The following SETD6 variants were observed in gnomAD, a reference collection of about 807,000 sequenced individuals.
The protein encoded by SETD6 is SET domain containing 6, protein lysine methyltransferase.
In SETD6, 67 loss-of-function variants were observed where a neutral mutation model predicts 52.7. The observed-to-expected ratio is 1.27, with a 90% CI of 1.04 to 1.56. The LOEUF (loss-of-function observed/expected upper bound fraction) is 1.56, where lower values mean the gene tolerates loss of function less well. SETD6 is among the 40% of genes most tolerant of loss of function. The pLI, the probability that SETD6 is intolerant of heterozygous loss-of-function variation, is 0.00. For missense variants in SETD6, 712 were observed against 607.5 expected (o/e 1.17, Z -1.81); for synonymous variants, 307 against 250.2 (o/e 1.23, Z -2.14).
Position 58,516,028 on chromosome 16 carries a change from T to C in SETD6, c.265T>C (p.Leu89=), listed in dbSNP as rs4784046. The C allele has an allele frequency of 0.58, 883,510 of 1,525,420 alleles. 263,414 individuals carry two copies. The highest frequency in any genetic ancestry group is 0.96 in the East Asian group (36,003 of 37,310). 94.5% of individuals were successfully genotyped at this position (1,525,420 alleles called of 1,614,324 possible). Residue 89 remains leucine, a synonymous_variant, in exon 2 of 8, where the codon TTG becomes CTG. Transcript: ENST00000219315. ...GGAGAGCGTGCAGGCCGGAGAGCTG[T>C]TGTTCGTGGTGCCGCGGGCCGCGCT... ...ARESVQAGEL[L]FVVPRAALLS...
In SETD6 at chr16:58,516,043, C is replaced by CGG. The variant is rs1567374376; in HGVS notation, c.282_283dup (p.Ala95GlyfsTer117). The CGG allele has an allele frequency of 1.3e-6, 2 of 1,514,242 alleles. No homozygotes were observed. Among genetic ancestry groups the CGG allele is most frequent in the Admixed American group, 4.2e-5 (2 of 47,726 alleles). The allele number at this position is 1,514,242 out of a possible 1,614,324, so 93.8% of individuals were successfully genotyped here. Reference sequence around the variant, plus strand: ...CGGAGAGCTGTTGTTCGTGGTGCCGCGGGCCGCGCTCCTGTCGCAGCACAC... The same window carrying CGG: ...CGGAGAGCTGTTGTTCGTGGTGCCGCGGGGGCCGCGCTCCTGTCGCAGCACAC... On this transcript the variant is annotated frameshift_variant, in exon 2 of 8. Transcript: ENST00000219315. LOFTEE classifies it high-confidence loss of function.
rs868713110 is a variant in SETD6, at chr16:58,523,694, T to C, written c.*4665T>C. ...TTTCAGAATTTTCCACATTAGAAAT[T>C]AGATTTTAAAAATATTCATTTTTAA... is the stretch of plus-strand genomic sequence containing the variant. On this transcript the variant is annotated 3_prime_UTR_variant, in exon 8 of 8. Transcript: ENST00000219315. 2.2e-6 allele frequency: 1 copy of C among 463,942 alleles called. No homozygotes were observed. The highest frequency in any genetic ancestry group is 5.8e-4 in the Middle Eastern group (1 of 1,712). 28.7% of individuals were successfully genotyped at this position (463,942 alleles called of 1,614,324 possible). A position where few individuals can be genotyped will look rare whatever the true frequency, so the allele number is the denominator to read the frequency against.
chr16:58,515,850 C>A lies in SETD6; in HGVS notation c.87C>A (p.Cys29Ter). ...LDPVACFLSW[C>*]RRVGLELSPK... is the part of the protein sequence containing the mutation. The stretch of plus-strand genomic sequence containing the variant: ...CTGTGGCCTGCTTCCTGAGCTGGTG[C>A]CGGCGGGTGGGGCTGGAGCTGAGTC... Residue 29 changes from cysteine (C) to a stop codon, truncating the protein, a stop_gained, in exon 2 of 8, where the codon TGC becomes TGA. Transcript: ENST00000219315. LOFTEE classifies it high-confidence loss of function. The A allele has an allele frequency of 6.5e-7, 1 of 1,532,724 alleles. No individual in the cohort carries two copies. 94.9% of individuals were successfully genotyped at this position (1,532,724 alleles called of 1,614,324 possible). A position where few individuals can be genotyped will look rare whatever the true frequency, so the allele number is the denominator to read the frequency against.
rs1386959659 is a variant in SETD6, at chr16:58,520,883, G to T, written c.*1854G>T. On this transcript the variant is annotated 3_prime_UTR_variant, in exon 8 of 8. Transcript: ENST00000219315. The stretch of plus-strand genomic sequence containing the variant: ...TGGGAAAGTCAGGAAGAGCTGAAAG[G>T]ATTCTTCAGTCAGTTTATGAACTCG... The T allele has an allele frequency of 2.7e-6, 4 of 1,455,240 alleles. No homozygotes were observed. Among genetic ancestry groups the T allele is most frequent in the Non-Finnish European group, 1.9e-6 (2 of 1,047,066 alleles). The allele number at this position is 1,455,240 out of a possible 1,614,324, so 90.1% of individuals were successfully genotyped here.
rs1160296886 is a variant in SETD6 at position 58,521,458 on chromosome 16, A to T, written c.*2429A>T. On this transcript the variant is annotated 3_prime_UTR_variant, in exon 8 of 8. Coordinates refer to ENST00000219315, the MANE Select transcript of SETD6 (RefSeq NM_001160305.4). Reference sequence around the variant, plus strand: ...CACCTTTAGTAAAGACAGGTGGATTAATATACTCCAAATAGCACAGGTTGG... The same window carrying T: ...CACCTTTAGTAAAGACAGGTGGATTTATATACTCCAAATAGCACAGGTTGG... 1 of 762,976 alleles carries T rather than the reference A, an allele frequency of 1.3e-6. No homozygotes were observed. Among genetic ancestry groups the T allele is most frequent in the African/African-American group, 1.8e-5 (1 of 56,762 alleles). The allele number at this position is 762,976 out of a possible 1,614,324, so 47.3% of individuals were successfully genotyped here.
Position 58,521,954 on chromosome 16 carries a change from TA to T in SETD6, c.*2928del, listed in dbSNP as rs1393202988. On this transcript the variant is annotated 3_prime_UTR_variant, in exon 8 of 8. Transcript: ENST00000219315. ...AGACAGAGTGAGACCCTGTCTCAAA[TA>T]AACAGATAAATTAAATAAATAAATA... Among the ~76,000 whole-genome samples, 1 of 151,898 alleles carries T rather than the reference TA, an allele frequency of 6.6e-6. No homozygotes were observed. The highest frequency in any genetic ancestry group is 2.4e-5 in the African/African-American group (1 of 41,434).
At position 58,521,628 on chromosome 16, in the gene SETD6, C is replaced by G. The variant is rs1272598008; in HGVS notation, c.*2599C>G. 6.6e-6 allele frequency among the ~76,000 whole-genome samples: 1 copy of G among 152,150 alleles called. No homozygotes were observed. Among genetic ancestry groups the G allele is most frequent in the Non-Finnish European group, 1.5e-5 (1 of 68,044 alleles). On this transcript the variant is annotated 3_prime_UTR_variant, in exon 8 of 8. Transcript: ENST00000219315. Reference sequence around the variant, plus strand: ...CATAAAGCCCAGAGTACATGGCACACAAAGTTAGTACAAAAAGTAGTAATT... The same window carrying G: ...CATAAAGCCCAGAGTACATGGCACAGAAAGTTAGTACAAAAAGTAGTAATT...
At position 58,516,105 on chromosome 16, in the gene SETD6, C is replaced by T. The variant is rs1173789193; in HGVS notation, c.334+8C>T. 6 of 1,062,776 alleles carry T rather than the reference C, an allele frequency of 5.6e-6. No individual in the cohort carries two copies. Among genetic ancestry groups the T allele is most frequent in the South Asian group, 4.0e-5 (2 of 50,434 alleles). The allele number at this position is 1,062,776 out of a possible 1,614,324, so 65.8% of individuals were successfully genotyped here. On this transcript the variant is annotated splice_region_variant and intron_variant, in intron 2 of 7. Transcript: ENST00000219315. ...GCGGCCTGCTGGAGCGAGGTGGGCA[C>T]GGCGGCGGGCTAGGGCCCTGGGGCG...
chr16:58,515,658 C>T (rs1409529428), intron 1 of SETD6, 94 bp downstream of exon 1: 1 of 1,411,600 alleles, frequency 7.1e-7, no homozygotes, highest in African/African-American at 1.5e-5. Flanking sequence ...CGCTCCCTCC[C>T]GCGGGTCCCG....
At position 58,518,053 on chromosome 16, in the gene SETD6, T is replaced by C. The variant is rs768901250; in HGVS notation, c.795T>C (p.Asn265=). 1 of 1,614,170 alleles carries C rather than the reference T, an allele frequency of 6.2e-7. No homozygotes were observed. The highest frequency in any genetic ancestry group is 8.5e-7 in the Non-Finnish European group (1 of 1,180,024). ...NHNANLEYSA[N]CLRMVATQPI... is the part of the protein sequence containing the mutation. Reference sequence around the variant, plus strand: ...CCAGCTTCTCCCTTTCACCTCAGAATTGTCTTCGGATGGTAGCCACTCAGC... The same window carrying C: ...CCAGCTTCTCCCTTTCACCTCAGAACTGTCTTCGGATGGTAGCCACTCAGC... Residue 265 remains asparagine (N), a splice_region_variant and synonymous_variant, in exon 6 of 8, where the codon AAT becomes AAC. Coordinates refer to ENST00000219315, the MANE Select transcript of SETD6 (RefSeq NM_001160305.4).
Position 58,522,237 on chromosome 16 carries a change from CAAAAAAAAAAA to C in SETD6, c.*3228_*3238del, listed in dbSNP as rs56149974. Among the ~76,000 whole-genome samples the C allele has an allele frequency of 1.7e-4, 17 of 98,592 alleles. No individual in the cohort carries two copies. Among genetic ancestry groups the C allele is most frequent in the Middle Eastern group, 6.7e-3 (1 of 150 alleles). The allele number at this position is 98,592 out of a possible 152,430, so 64.7% of individuals were successfully genotyped here. On this transcript the variant is annotated 3_prime_UTR_variant, in exon 8 of 8. Coordinates refer to ENST00000219315, the MANE Select transcript of SETD6 (RefSeq NM_001160305.4). ...AGGAGGCGACAAAGCGAGACTGTCT[CAAAAAAAAAAA>C]AAAAAAAAAAAAAAAAAAAGCTAAC...
At chr16:58,517,502 C>T (rs900960013) in intron 5 of SETD6, 1 of 172,282 alleles carries the variant, frequency 5.8e-6, no homozygotes, top group Admixed American at 5.4e-5. Flanking sequence ...GAGGCGGAGT[C>T]TCACTGTGTC....
In SETD6 at chr16:58,516,830, G is replaced by T. The variant is rs756157885; in HGVS notation, c.694G>T (p.Glu232Ter). The stretch of plus-strand genomic sequence containing the variant: ...CAGCTTTCAGGAACCACTGGAGGAA[G>T]AAGAGGATGAAAAGGAGCCCAACTC... ...AYSFQEPLEE[E>*]EDEKEPNSPV... The change falls in exon 5 of 8, where the codon GAA becomes TAA. Residue 232 changes from glutamate to a stop codon, truncating the protein, a stop_gained. Transcript: ENST00000219315. LOFTEE classifies it high-confidence loss of function. 9.3e-6 allele frequency: 15 copies of T among 1,614,226 alleles called. No homozygotes were observed. The highest frequency in any genetic ancestry group is 1.2e-5 in the Non-Finnish European group (14 of 1,180,040).
In SETD6 at chr16:58,519,190, T is replaced by C; in HGVS notation, c.*161T>C. On this transcript the variant is annotated 3_prime_UTR_variant, in exon 8 of 8. Transcript: ENST00000219315. Reference sequence around the variant, plus strand: ...GTGCTAGGATTAACTCAGGTAAGGGTGATGTGTTTTAGGATTGAGAACAGC... The same window carrying C: ...GTGCTAGGATTAACTCAGGTAAGGGCGATGTGTTTTAGGATTGAGAACAGC... 1 of 671,476 alleles carries C rather than the reference T, an allele frequency of 1.5e-6. No individual in the cohort carries two copies. 41.6% of individuals were successfully genotyped at this position (671,476 alleles called of 1,614,324 possible).
Position 58,521,060 on chromosome 16 carries a change from ATC to A in SETD6, c.*2035_*2036del, listed in dbSNP as rs776724601. Reference sequence around the variant, plus strand: ...ACCTGAAGGATGAAGACAGTTACAAATCTCTGATTAAAGAGTAGGCCTAACAA... The same window carrying A: ...ACCTGAAGGATGAAGACAGTTACAAATCTGATTAAAGAGTAGGCCTAACAA... On this transcript the variant is annotated 3_prime_UTR_variant, in exon 8 of 8. Transcript: ENST00000219315. The A allele has an allele frequency of 3.2e-5, 52 of 1,613,928 alleles. 2 individuals carry two copies. In the East Asian group the frequency reaches 1.1e-3, roughly 35 times the overall value.
In SETD6 at chr16:58,519,848, G is replaced by GT. The variant is rs2039300966; in HGVS notation, c.*820dup. ...CAATCATTCAGCAAGAAGTTAGTTG[G>GT]TGGTTCCCCATGGCCCCAAGGTCTG... On this transcript the variant is annotated 3_prime_UTR_variant, in exon 8 of 8. Coordinates refer to ENST00000219315, the MANE Select transcript of SETD6 (RefSeq NM_001160305.4). 2.6e-5 allele frequency: 4 copies of GT among 151,916 alleles called. No homozygotes were observed. The highest frequency in any genetic ancestry group is 9.7e-5 in the African/African-American group (4 of 41,320). The allele number at this position is 151,916 out of a possible 1,614,324, so 9.4% of individuals were successfully genotyped here.
chr16:58,517,837 ACC>A, intron 5 of SETD6: 1 of 623,438 alleles, frequency 1.6e-6, no homozygotes, highest in South Asian at 2.0e-5. Context: ...GCAGAAATCC[ACC>A]CAGTTAAACA....
intron 7 of SETD6, 50 bp from the exon 8 acceptor site, chr16:58,518,674 G>C (rs143009756): frequency 3.1e-6 from 5 of 1,597,230 alleles, no homozygotes. Context: ...AGTCATTTCA[G>C]AAGTACAAAA....
chr16:58,518,292 T>TTAAATAGCTTTGC (rs1267162890), intron 6 of SETD6, 61 bp downstream of exon 6: 11 of 1,605,998 alleles, frequency 6.8e-6, no homozygotes, highest in Non-Finnish European at 9.4e-6. Flanking sequence ...ATGCCTCAGG[T>TTAAATAGCTTTGC]TAAATAGCTT....
Sources: allele counts gnomAD v4.1 joint callset (sites outside exome capture counted in the v4.1 genomes callset), GRCh38; gene constraint gnomAD v4.1.1; transcripts MANE v1.5; gene names NCBI Gene and HGNC (gene_info 2026-07-23, HGNC 2026-07-21).